Variants in PCDHGA7 observed in about 807,000 individuals in gnomAD.
PCDHGA7 encodes protocadherin gamma subfamily A, 7.
A neutral mutation model predicts 58.3 loss-of-function variants in PCDHGA7; 44 were observed. That is an observed-to-expected ratio of 0.75 (90% CI 0.59 to 0.97). The LOEUF (loss-of-function observed/expected upper bound fraction) is 0.97. PCDHGA7 is among the 50% of genes least tolerant of loss of function. The pLI, the probability that PCDHGA7 is intolerant of heterozygous loss-of-function variation, is 0.00. For synonymous variants in PCDHGA7, 516 were observed against 504.2 expected (o/e 1.02, Z -0.31); for missense variants, 1,266 against 1,188.7 (o/e 1.06, Z -0.96).
chr5:141,488,540 A>C (rs901890616), intron 1 of PCDHGA7, among the ~76,000 whole-genome samples: 6 of 152,146 alleles, frequency 3.9e-5, no homozygotes, highest in Admixed American at 2.0e-4. Context: ...GCTAAGTCCC[A>C]TGTCAGCTGA....
chr5:141,485,993 A>C lies in PCDHGA7; in HGVS notation c.2425-8814A>C. 6.2e-7 allele frequency: 1 copy of C among 1,614,210 alleles called. No homozygotes were observed. Among genetic ancestry groups the C allele is most frequent in the Non-Finnish European group, 8.5e-7 (1 of 1,180,028 alleles). On this transcript the variant is annotated intron_variant, in intron 1 of 3. Coordinates refer to ENST00000518325, the MANE Select transcript of PCDHGA7 (RefSeq NM_018920.4). The surrounding 1 kb of genome is among the most constrained non-coding windows in gnomAD (Gnocchi z 5.7). ...TGCCTCAGACCCGGACCTGGGTCCC[A>C]GTGGTAACGTCACCTTTTATTTCAG...
chr5:141,427,546 C>T (rs779995777), intron 1 of PCDHGA7: 1 of 639,564 alleles, frequency 1.6e-6, no homozygotes, highest in South Asian at 1.5e-5. Context: ...GTCACCATCA[C>T]TGCCACTGAC....
At chr5:141,494,365 C>A (rs193174055) in intron 1 of PCDHGA7, among the ~76,000 whole-genome samples, 20 of 152,290 alleles carry the variant, frequency 1.3e-4, no homozygotes, top group Non-Finnish European at 2.2e-4. Context: ...GCAGAGGATG[C>A]TTTGTTCCCA....
At chr5:141,428,141 G>A (rs1314061143) in intron 1 of PCDHGA7, 1 of 1,596,618 alleles carries the variant, frequency 6.3e-7, no homozygotes, top group Non-Finnish European at 8.6e-7. Context: ...GCCTGGGGCT[G>A]CACACGGGAA....
At chr5:141,430,786 C>G (rs992448490) in intron 1 of PCDHGA7, 1 of 1,513,352 alleles carries the variant, frequency 6.6e-7, no homozygotes, top group Non-Finnish European at 8.8e-7. Context: ...TGCACCGGGA[C>G]TACAAAGGGC....
intron 1 of PCDHGA7, chr5:141,426,945 A>G: frequency 8.8e-6 from 4 of 456,724 alleles, no homozygotes; most frequent in Non-Finnish European, 1.8e-5. Context: ...CCCAGTCCCA[A>G]CTGGCACTGC....
rs766428179 is a variant in PCDHGA7, at chr5:141,395,052, C to T, written c.2424+9729C>T. 25 of 1,614,148 alleles carry T rather than the reference C, an allele frequency of 1.5e-5. No homozygotes were observed. In the African/African-American group the frequency reaches 3.2e-4, roughly 21 times the overall value. On this transcript the variant is annotated intron_variant, in intron 1 of 3. Coordinates refer to ENST00000518325, the MANE Select transcript of PCDHGA7 (RefSeq NM_018920.4). Reference sequence around the variant, plus strand: ...ACATTTTGTGGGTGTTGAGGAGGTACAGGCTTTCCTGCAGACCTATTCCCA... The same window carrying T: ...ACATTTTGTGGGTGTTGAGGAGGTATAGGCTTTCCTGCAGACCTATTCCCA...
chr5:141,491,857 G>A lies in PCDHGA7; in HGVS notation c.2425-2950G>A. Reference sequence around the variant, plus strand: ...CTCGGGATCATTGGACCGTTTGCGCGAAACCAGAGTGGCCGATTAAGGGAT... The same window carrying A: ...CTCGGGATCATTGGACCGTTTGCGCAAAACCAGAGTGGCCGATTAAGGGAT... On this transcript the variant is annotated intron_variant, in intron 1 of 3. Transcript: ENST00000518325. This position sits in a 1 kb window ranked among gnomAD's most constrained non-coding sequence, Gnocchi z 6.9. The A allele has an allele frequency of 6.9e-7, 1 of 1,457,470 alleles. No homozygotes were observed. The highest frequency in any genetic ancestry group is 1.5e-5 in the South Asian group (1 of 68,508). The allele number at this position is 1,457,470 out of a possible 1,614,324, so 90.3% of individuals were successfully genotyped here. A position where few individuals can be genotyped will look rare whatever the true frequency, so the allele number is the denominator to read the frequency against.
chr5:141,457,422 TC>T (rs1038085994), intron 1 of PCDHGA7, among the ~76,000 whole-genome samples: 1 of 151,626 alleles, frequency 6.6e-6, no homozygotes, highest in African/African-American at 2.4e-5. Context: ...CATCCCTTTT[TC>T]CCCCCCACCA....
At chr5:141,472,778 G>T (rs1244170163) in intron 1 of PCDHGA7, among the ~76,000 whole-genome samples, 1 of 151,878 alleles carries the variant, frequency 6.6e-6, no homozygotes, top group Non-Finnish European at 1.5e-5. Flanking sequence ...CTGAGGTTGG[G>T]AGTTCAAGAT....
At chr5:141,483,240 T>C (rs2099578643) in intron 1 of PCDHGA7, among the ~76,000 whole-genome samples, 2 of 151,742 alleles carry the variant, frequency 1.3e-5, no homozygotes, top group Non-Finnish European at 1.5e-5. Flanking sequence ...TGAACTGATA[T>C]GCATATATCA....
In PCDHGA7 at chr5:141,432,218, A is replaced by T. The variant is rs570925415; in HGVS notation, c.2424+46895A>T. On this transcript the variant is annotated intron_variant, in intron 1 of 3. Transcript: ENST00000518325. This position sits in a 1 kb window ranked among gnomAD's most constrained non-coding sequence, Gnocchi z 6.0. Reference sequence around the variant, plus strand: ...CCCCGACTGTGAAGAGAACGCCCAGATCACTTATTCCCTGGCTGAGAACAC... The same window carrying T: ...CCCCGACTGTGAAGAGAACGCCCAGTTCACTTATTCCCTGGCTGAGAACAC... The T allele has an allele frequency of 6.2e-7, 1 of 1,614,148 alleles. No homozygotes were observed. The highest frequency in any genetic ancestry group is 1.3e-5 in the African/African-American group (1 of 75,030).
At position 141,387,415 on chromosome 5, in the gene PCDHGA7, A is replaced by C. The variant is rs111350375; in HGVS notation, c.2424+2092A>C. Among the ~76,000 whole-genome samples the C allele has an allele frequency of 1.1e-3, 175 of 152,362 alleles. 1 individual carries two copies. Among genetic ancestry groups the C allele is most frequent in the Admixed American group, 4.9e-3 (75 of 15,312 alleles). ...CATGTTTGAAGATTGGGGAAAGCTT[A>C]TGTCAATAAATGTTTATGTACTTAA... On this transcript the variant is annotated intron_variant, in intron 1 of 3. Coordinates refer to ENST00000518325, the MANE Select transcript of PCDHGA7 (RefSeq NM_018920.4).
chr5:141,423,904 G>A, intron 1 of PCDHGA7: 2 of 1,275,052 alleles, frequency 1.6e-6, no homozygotes, highest in Middle Eastern at 3.1e-4. Flanking sequence ...TGATTTCAAA[G>A]GGGCCATTCA....
At chr5:141,439,215 G>A (rs1319217047) in intron 1 of PCDHGA7, among the ~76,000 whole-genome samples, 2 of 151,488 alleles carry the variant, frequency 1.3e-5, no homozygotes, top group African/African-American at 4.9e-5. Flanking sequence ...ATCCATATGT[G>A]AAAATTCTTA....
At position 141,431,998 on chromosome 5, in the gene PCDHGA7, A is replaced by G. The variant is rs201105272; in HGVS notation, c.2424+46675A>G. The G allele has an allele frequency of 1.2e-6, 2 of 1,614,176 alleles. No homozygotes were observed. Among genetic ancestry groups the G allele is most frequent in the Admixed American group, 1.7e-5 (1 of 60,030 alleles). On this transcript the variant is annotated intron_variant, in intron 1 of 3. Coordinates refer to ENST00000518325, the MANE Select transcript of PCDHGA7 (RefSeq NM_018920.4). This position sits in a 1 kb window ranked among gnomAD's most constrained non-coding sequence, Gnocchi z 4.8. The stretch of plus-strand genomic sequence containing the variant: ...TCACAGACATAGTCTTGGATAGGGA[A>G]CAGGTTCCTAGCTACAACATCACAG...
In PCDHGA7 at chr5:141,418,939, C is replaced by T. The variant is rs766248741; in HGVS notation, c.2424+33616C>T. The T allele has an allele frequency of 8.7e-6, 14 of 1,613,642 alleles. No individual in the cohort carries two copies. In the African/African-American group the frequency reaches 1.7e-4, roughly 20 times the overall value. On this transcript the variant is annotated intron_variant, in intron 1 of 3. Transcript: ENST00000518325. ...TCTCTGATCAGATTATGGAGGATTC[C>T]CCTCCAGGAGTGGTTGTTGCCCTCT...
intron 1 of PCDHGA7, chr5:141,408,837 T>A: frequency 6.2e-7 from 1 of 1,613,716 alleles, no homozygotes; most frequent in Non-Finnish European, 8.5e-7. Flanking sequence ...AGCTTGATAT[T>A]GACTGCCTTG....
rs1228771998 is a variant in PCDHGA7 at position 141,477,832 on chromosome 5, A to G, written c.2425-16975A>G. The stretch of plus-strand genomic sequence containing the variant: ...CCCCCCAGGTCCTATATCCTCGGCC[A>G]GGTGGGAGCTCGGTGGAGATGCTGC... On this transcript the variant is annotated intron_variant, in intron 1 of 3. Transcript: ENST00000518325. This position sits in a 1 kb window ranked among gnomAD's most constrained non-coding sequence, Gnocchi z 4.9. 1.2e-6 allele frequency: 2 copies of G among 1,614,166 alleles called. No homozygotes were observed. Among genetic ancestry groups the G allele is most frequent in the South Asian group, 1.1e-5 (1 of 91,086 alleles).
Sources: gnomAD v4.1 joint callset for allele counts (sites outside exome capture counted in the v4.1 genomes callset) on GRCh38, gnomAD v4.1.1 for gene constraint, Gnocchi (gnomAD v3.1) non-coding constraint, MANE v1.5 for transcripts, NCBI Gene and HGNC (gene_info 2026-07-23, HGNC 2026-07-21) for gene names.